ENTPD5: variants seen among roughly 807,000 people sequenced by gnomAD.
The protein encoded by ENTPD5 is ectonucleoside triphosphate diphosphohydrolase 5 (inactive), also known as nucleoside diphosphate phosphatase ENTPD5.
In ENTPD5, 49 loss-of-function variants were observed where a neutral mutation model predicts 60.2. The observed-to-expected ratio is 0.81, with a 90% confidence interval of 0.65 to 1.03. ENTPD5 has a LOEUF of 1.03. ENTPD5 is among the 50% of genes least tolerant of loss of function. The pLI, the probability that ENTPD5 is intolerant of heterozygous loss-of-function variation, is 0.00. For synonymous variants in ENTPD5, 187 were observed against 185.4 expected (o/e 1.01, Z -0.07); for missense variants, 480 against 507.6 (o/e 0.95, Z 0.52).
chr14:73,969,881 T>C, intron 15 of ENTPD5, 129 bp downstream of exon 15: 1 of 661,646 alleles, frequency 1.5e-6, no homozygotes, highest in Non-Finnish European at 2.7e-6. Flanking sequence ...CACAGTACCT[T>C]GTCCATAGCC....
At chr14:73,984,887 T>A (rs2057836545) in intron 5 of ENTPD5, among the ~76,000 whole-genome samples, 1 of 152,106 alleles carries the variant, frequency 6.6e-6, no homozygotes. Flanking sequence ...TCCTAATGCT[T>A]TCCCTCCCTG....
downstream of ENTPD5, chr14:73,963,061 A>G (rs1254730194): frequency 1.6e-6 from 2 of 1,262,424 alleles, no homozygotes; most frequent in Admixed American, 1.7e-5. Context: ...AGGACCCATC[A>G]TACATATTTT....
intron 15 of ENTPD5, among the ~76,000 whole-genome samples, chr14:73,967,695 A>G (rs1422824112): frequency 6.7e-6 from 1 of 149,606 alleles, no homozygotes; most frequent in African/African-American, 2.5e-5. Flanking sequence ...AGCTACTCAG[A>G]GGGCTGAGGT....
intron 13 of ENTPD5, 104 bp downstream of exon 13, chr14:73,972,780 G>T: frequency 1.5e-6 from 2 of 1,323,862 alleles, no homozygotes; most frequent in Non-Finnish European, 2.1e-6. Context: ...AAAAGAGGTG[G>T]GTAATCACCC....
intron 3 of ENTPD5, among the ~76,000 whole-genome samples, chr14:74,005,114 A>T (rs747579394): frequency 2.6e-5 from 4 of 151,906 alleles, no homozygotes; most frequent in Non-Finnish European, 5.9e-5. Context: ...GAAATAAGCC[A>T]GGTTAGCTGG....
chr14:73,966,580 T>C lies in ENTPD5; in HGVS notation c.*348A>G, dbSNP rs1374575336. On this transcript the variant is annotated 3_prime_UTR_variant, in exon 16 of 16. Coordinates refer to ENST00000334696, the MANE Select transcript of ENTPD5 (RefSeq NM_001249.5). ...TGATGGGTCTTGGGATTGCAATAAG[T>C]CAGTTTACCATTTAAGAGGAAAATT... The C allele has an allele frequency of 4.9e-6, 1 of 205,780 alleles. No individual in the cohort carries two copies. The highest frequency in any genetic ancestry group is 5.5e-5 in the Admixed American group (1 of 18,056). 12.7% of individuals were successfully genotyped at this position (205,780 alleles called of 1,614,324 possible).
rs2056958190 is a variant in ENTPD5 at position 73,966,004 on chromosome 14, G to A, written c.*924C>T. 6.6e-6 allele frequency: 1 copy of A among 152,196 alleles called. No individual in the cohort carries two copies. Among genetic ancestry groups the A allele is most frequent in the Non-Finnish European group, 1.5e-5 (1 of 68,052 alleles). The allele number at this position is 152,196 out of a possible 1,614,324, so 9.4% of individuals were successfully genotyped here. ...TGTTACAAACGGAGAGAATAAAAGG[G>A]CAAACTGAAATAATAGATCCTGGAA... On this transcript the variant is annotated 3_prime_UTR_variant, in exon 16 of 16. Coordinates refer to ENST00000334696, the MANE Select transcript of ENTPD5 (RefSeq NM_001249.5).
chr14:73,961,571 G>T, downstream of ENTPD5: 12 of 1,614,086 alleles, frequency 7.4e-6, no homozygotes, highest in Non-Finnish European at 9.3e-6. Context: ...AAGGACTTAG[G>T]TAAGGATTCA....
chr14:73,991,122 CCT>C (rs761387949), intron 3 of ENTPD5, among the ~76,000 whole-genome samples: 48 of 152,256 alleles, frequency 3.2e-4, no homozygotes, highest in Non-Finnish European at 4.6e-4. Context: ...CTTTTTTCCC[CCT>C]CTTTTTTTCT....
chr14:74,001,051 T>A (rs1246941978), intron 3 of ENTPD5, among the ~76,000 whole-genome samples: 2 of 151,894 alleles, frequency 1.3e-5, no homozygotes, highest in Non-Finnish European at 2.9e-5. Flanking sequence ...TGAGACCCTA[T>A]CCGTATAAAA....
chr14:73,975,928 GT>G lies in ENTPD5; in HGVS notation c.722+7del, dbSNP rs1566719184. On this transcript the variant is annotated splice_region_variant and intron_variant, in intron 10 of 15. Coordinates refer to ENST00000334696, the MANE Select transcript of ENTPD5 (RefSeq NM_001249.5). ...TGAAATATTCTTCTTCCCTGTCCCC[GT>G]CCTCACCTATGTGTATAGAGCTTAT... The G allele has an allele frequency of 6.3e-7, 1 of 1,589,774 alleles. No homozygotes were observed. The highest frequency in any genetic ancestry group is 2.2e-5 in the East Asian group (1 of 44,756).
chr14:73,993,425 GA>G (rs1377937732), intron 3 of ENTPD5, among the ~76,000 whole-genome samples: 2 of 152,202 alleles, frequency 1.3e-5, no homozygotes, highest in African/African-American at 4.8e-5. Context: ...ATTCAAGGCT[GA>G]ACTTCTATCC....
intron 3 of ENTPD5, among the ~76,000 whole-genome samples, chr14:74,001,919 GA>G (rs2058525031): frequency 6.6e-6 from 1 of 152,134 alleles, no homozygotes; most frequent in East Asian, 1.9e-4. Context: ...ACAAAAAGTA[GA>G]AAACTAGTGA....
downstream of ENTPD5, chr14:73,961,910 G>A (rs201816668): frequency 7.1e-5 from 114 of 1,613,990 alleles, no homozygotes; most frequent in Non-Finnish European, 9.2e-5. Flanking sequence ...CAAAGTAAGA[G>A]GTTGCTCAGA....
intron 3 of ENTPD5, among the ~76,000 whole-genome samples, chr14:73,999,545 C>T (rs2058441236): frequency 6.6e-6 from 1 of 152,084 alleles, no homozygotes; most frequent in Non-Finnish European, 1.5e-5. Flanking sequence ...CCTGTAATCC[C>T]AGCACTTTGG....
intron 3 of ENTPD5, among the ~76,000 whole-genome samples, chr14:73,992,527 T>C (rs1054861784): frequency 3.4e-5 from 5 of 148,258 alleles, no homozygotes; most frequent in Non-Finnish European, 6.0e-5. Context: ...TCTATTAAAA[T>C]ACAAAAAAAA....
rs2056912809 is a variant in ENTPD5, at chr14:73,964,932, A to C, written c.*1996T>G. The C allele has an allele frequency of 6.6e-6, 1 of 152,208 alleles. No homozygotes were observed. The highest frequency in any genetic ancestry group is 2.1e-4 in the South Asian group (1 of 4,832). 9.4% of individuals were successfully genotyped at this position (152,208 alleles called of 1,614,324 possible). ...CATGGCTTAGCAGAAGCTGAATGACAACCTGTTAGAAATTCTAGGGAATTC... is the reference window on the plus strand; with the variant it reads ...CATGGCTTAGCAGAAGCTGAATGACCACCTGTTAGAAATTCTAGGGAATTC... On this transcript the variant is annotated 3_prime_UTR_variant, in exon 16 of 16. Transcript: ENST00000334696.
intron 14 of ENTPD5, among the ~76,000 whole-genome samples, 188 bp downstream of exon 14, chr14:73,971,664 A>T (rs933213024): frequency 6.6e-6 from 1 of 152,160 alleles, no homozygotes; most frequent in Non-Finnish European, 1.5e-5. Flanking sequence ...GGGACTACAG[A>T]TGCGTGCCAC....
intron 5 of ENTPD5, chr14:73,986,085 A>G (rs1313387225): frequency 1.3e-5 from 2 of 151,816 alleles, no homozygotes; most frequent in Admixed American, 6.6e-5. Flanking sequence ...AAAAAAAAAA[A>G]AAGAAAAAGA....
Sources: allele counts gnomAD v4.1 joint callset (sites outside exome capture counted in the v4.1 genomes callset), GRCh38; gene constraint gnomAD v4.1.1; transcripts MANE v1.5; gene names NCBI Gene and HGNC (gene_info 2026-07-23, HGNC 2026-07-21).